The following P2RY8 variants were observed in gnomAD, a reference collection of about 807,000 sequenced individuals.
P2RY8 encodes P2Y receptor family member 8, also known as S-geranylgeranyl-glutathione receptor P2RY8.
P2RY8 carries 6 observed loss-of-function variants against 10.0 expected under a neutral mutation model. That is an observed-to-expected ratio of 0.60 (90% CI 0.33 to 1.19). P2RY8 has a LOEUF of 1.19. Ranked by LOEUF, P2RY8 falls within the 50% of genes most tolerant of loss-of-function variation. The pLI is 0.04. For missense variants in P2RY8, 456 were observed against 542.0 expected (o/e 0.84, Z 1.58); for synonymous variants, 276 against 252.5 (o/e 1.09, Z -0.88).
chrX:1,518,930 C>A (rs1480409479), intron 1 of P2RY8, among the ~76,000 whole-genome samples: 1 of 151,934 alleles, frequency 6.6e-6, no homozygotes, highest in East Asian at 1.9e-4. Flanking sequence ...TCCTTGGCCC[C>A]CAATAATCTT....
intron 1 of P2RY8, among the ~76,000 whole-genome samples, chrX:1,499,160 T>G (rs1274984594): frequency 0.015 from 1,443 of 98,028 alleles, 24 homozygotes; most frequent in African/African-American, 0.038. Context: ...TTCTTTTTCT[T>G]TTCTTTTTTT....
At chrX:1,489,733 G>T (rs2092024857) in intron 1 of P2RY8, among the ~76,000 whole-genome samples, 1 of 149,226 alleles carries the variant, frequency 6.7e-6, no homozygotes, top group Admixed American at 6.7e-5. Context: ...CCCCGCAAAT[G>T]TGGGGGGAAT....
At chrX:1,511,257 T>A (rs1274341254) in intron 1 of P2RY8, among the ~76,000 whole-genome samples, 12 of 152,166 alleles carry the variant, frequency 7.9e-5, no homozygotes, top group African/African-American at 2.9e-4. Context: ...AGGTTAAAAG[T>A]CTCTACCCCC....
At chrX:1,529,372 C>T (rs1457361864) in intron 1 of P2RY8, among the ~76,000 whole-genome samples, 1 of 152,118 alleles carries the variant, frequency 6.6e-6, no homozygotes, top group Non-Finnish European at 1.5e-5. Flanking sequence ...CTTCTCCTTC[C>T]AGGTCTCTGG....
intron 1 of P2RY8, among the ~76,000 whole-genome samples, chrX:1,496,273 C>G (rs1362653336): frequency 6.6e-6 from 1 of 152,140 alleles, no homozygotes; most frequent in Non-Finnish European, 1.5e-5. Context: ...AAGACCATCT[C>G]GAGGCCATCT....
intron 1 of P2RY8, among the ~76,000 whole-genome samples, chrX:1,502,480 G>T (rs28710274): frequency 0.036 from 5,543 of 152,000 alleles, 325 homozygotes; most frequent in African/African-American, 0.12. Flanking sequence ...TTTGCCTCCC[G>T]GCAACACGCT....
At chrX:1,524,733 A>T (rs866383251) in intron 1 of P2RY8, among the ~76,000 whole-genome samples, 56 of 18,660 alleles carry the variant, frequency 3.0e-3, no homozygotes, top group African/African-American at 5.0e-3. Flanking sequence ...ATCCATCCAT[A>T]CATCCATGCA....
At chrX:1,490,754 TGATA>T in intron 1 of P2RY8, among the ~76,000 whole-genome samples, 1 of 149,016 alleles carries the variant, frequency 6.7e-6, no homozygotes, top group Non-Finnish European at 1.5e-5. Flanking sequence ...AATGAATGAA[TGATA>T]CCCCAGATTC....
chrX:1,509,751 G>GTCTATCTA lies in P2RY8; in HGVS notation c.-25+27162_-25+27169dup, dbSNP rs1307366915. Among the ~76,000 whole-genome samples, 611 of 78,310 alleles carry GTCTATCTA rather than the reference G, an allele frequency of 7.8e-3. 61 individuals are homozygous for GTCTATCTA. The highest frequency in any genetic ancestry group is 0.018 in the African/African-American group (310 of 16,974). The allele number at this position is 78,310 out of a possible 152,430, so 51.4% of individuals were successfully genotyped here. A position where few individuals can be genotyped will look rare whatever the true frequency, so the allele number is the denominator to read the frequency against. On this transcript the variant is annotated intron_variant, in intron 1 of 1. Transcript: ENST00000381297. ...TATGTATCTATCTATGTATCTATCT[G>GTCTATCTA]TCTATCTATCTATCTATCTATCTAT...
intron 1 of P2RY8, among the ~76,000 whole-genome samples, chrX:1,471,416 G>A (rs1484973502): frequency 1.5e-5 from 2 of 136,690 alleles, no homozygotes; most frequent in African/African-American, 5.5e-5. Context: ...CACCCTCCTC[G>A]GCCTCCCAAA....
intron 1 of P2RY8, among the ~76,000 whole-genome samples, chrX:1,487,848 C>T (rs1360138940): frequency 8.5e-5 from 13 of 152,192 alleles, no homozygotes; most frequent in South Asian, 2.1e-4. Flanking sequence ...CGGTGGCTCA[C>T]GCCTGTCATC....
intron 1 of P2RY8, among the ~76,000 whole-genome samples, chrX:1,509,388 C>CTATT (rs2092274113): frequency 9.4e-6 from 1 of 106,752 alleles, no homozygotes; most frequent in Non-Finnish European, 2.5e-5. Flanking sequence ...ATCTATCTAT[C>CTATT]TATCTATCTA....
At chrX:1,511,354 G>T (rs1450324631) in intron 1 of P2RY8, among the ~76,000 whole-genome samples, 1 of 152,132 alleles carries the variant, frequency 6.6e-6, no homozygotes, top group Non-Finnish European at 1.5e-5. Context: ...AGCTCCTCCT[G>T]TAACCTGTTG....
intron 1 of P2RY8, among the ~76,000 whole-genome samples, chrX:1,474,538 G>T (rs28544955): frequency 0.058 from 6,197 of 107,660 alleles, 502 homozygotes; most frequent in African/African-American, 0.18. Context: ...CTGGATAGAT[G>T]AATAGGTGTA....
At chrX:1,532,067 T>C (rs1443810265) in intron 1 of P2RY8, among the ~76,000 whole-genome samples, 1 of 150,694 alleles carries the variant, frequency 6.6e-6, no homozygotes, top group Non-Finnish European at 1.5e-5. Context: ...GGTATCTAGG[T>C]AGAGGAAAGT....
rs1440067126 is a variant in P2RY8 at position 1,465,528 on chromosome X, A to T, written c.1031T>A (p.Met344Lys). Residue 344 changes from methionine to lysine, a missense_variant, in exon 2 of 2, where the codon ATG (methionine) becomes AAG (lysine). Transcript: ENST00000381297. ...RSEAGAHPEG[M>K]EGATRPGLQR... ...GAGGCCGGGCCTGGTGGCTCCCTCC[A>T]TCCCTTCAGGGTGCGCACCGGCCTC... The T allele has an allele frequency of 3.1e-6, 5 of 1,611,322 alleles. No homozygotes were observed. In the African/African-American group the frequency reaches 6.7e-5, roughly 22 times the overall value.
In P2RY8 at chrX:1,520,520, CATCTCTCTGATCCCCAATA is replaced by C. The variant is rs373125707; in HGVS notation, c.-25+16382_-25+16400del. Among the ~76,000 whole-genome samples, 445 of 150,092 alleles carry C rather than the reference CATCTCTCTGATCCCCAATA, an allele frequency of 3.0e-3. 4 individuals are homozygous for C. The highest frequency in any genetic ancestry group is 0.01 in the African/African-American group (418 of 40,762). ...CCCAATATTCTCTCTGGTCCCCAAT[CATCTCTCTGATCCCCAATA>C]ATCTCTCTGATCCCCAATATTATCT... On this transcript the variant is annotated intron_variant, in intron 1 of 1. Coordinates refer to ENST00000381297, the MANE Select transcript of P2RY8 (RefSeq NM_178129.5).
Position 1,462,670 on chromosome X carries a change from A to T in P2RY8, c.*2809T>A, listed in dbSNP as rs1295316583. The T allele has an allele frequency of 1.3e-5, 3 of 232,844 alleles. No homozygotes were observed. Among genetic ancestry groups the T allele is most frequent in the African/African-American group, 6.6e-5 (3 of 45,236 alleles). 14.4% of individuals were successfully genotyped at this position (232,844 alleles called of 1,614,324 possible). On this transcript the variant is annotated 3_prime_UTR_variant, in exon 2 of 2. Transcript: ENST00000381297. ...ACTGTGTTGCCTAGGTTGGCCCTTG[A>T]ACACCCGGACTCAATCAGTCCTCCC...
rs533655818 is a variant in P2RY8, at chrX:1,515,946, T to TTG, written c.-25+20974_-25+20975insCA. Reference sequence around the variant, plus strand: ...CCCAGCACTTTGGGAGGCCGAGGGGTCGGGGGGTGGTGGATCACCTGAGGT... The same window carrying TTG: ...CCCAGCACTTTGGGAGGCCGAGGGGTTGCGGGGGGTGGTGGATCACCTGAGGT... On this transcript the variant is annotated intron_variant, in intron 1 of 1. Transcript: ENST00000381297. 6.7e-4 allele frequency among the ~76,000 whole-genome samples: 52 copies of TTG among 77,942 alleles called. 1 individual carries two copies. The South Asian group carries it at 8.9e-3, about 13-fold the overall frequency. 51.1% of individuals were successfully genotyped at this position (77,942 alleles called of 152,430 possible). A position where few individuals can be genotyped will look rare whatever the true frequency, so the allele number is the denominator to read the frequency against.
Sources: gnomAD v4.1 joint callset for allele counts (sites outside exome capture counted in the v4.1 genomes callset) on GRCh38, gnomAD v4.1.1 for gene constraint, MANE v1.5 for transcripts, NCBI Gene and HGNC (gene_info 2026-07-23, HGNC 2026-07-21) for gene names.